Variants in VTI1A observed in about 807,000 individuals in gnomAD.
The protein encoded by VTI1A is vesicle transport through interaction with t-SNAREs homolog 1A.
In VTI1A, 22 loss-of-function variants were observed where a neutral mutation model predicts 34.9. The observed-to-expected ratio is 0.63, with a 90% CI of 0.45 to 0.90. The LOEUF (loss-of-function observed/expected upper bound fraction) is 0.90, where lower values mean the gene tolerates loss of function less well. Among genes scored for constraint, VTI1A ranks in the 40% least tolerant of loss-of-function variants. VTI1A has a pLI of 0.00. For synonymous variants in VTI1A, 87 were observed against 97.3 expected (o/e 0.89, Z 0.62); for missense variants, 268 against 275.6 (o/e 0.97, Z 0.20).
At chr10:112,508,645 C>CT (rs1222846547) in intron 3 of VTI1A, among the ~76,000 whole-genome samples, 1 of 152,098 alleles carries the variant, frequency 6.6e-6, no homozygotes, top group Non-Finnish European at 1.5e-5. Context: ...GTTAGACACC[C>CT]TTTCTGCACC....
chr10:112,805,198 C>A (rs764032512), intron 7 of VTI1A, among the ~76,000 whole-genome samples: 2 of 152,002 alleles, frequency 1.3e-5, no homozygotes, highest in Admixed American at 1.3e-4. Context: ...CATGAGTGGG[C>A]AAATCACAGA....
intron 7 of VTI1A, among the ~76,000 whole-genome samples, chr10:112,743,148 A>G (rs1850756457): frequency 6.6e-6 from 1 of 152,060 alleles, no homozygotes; most frequent in Admixed American, 6.6e-5. Context: ...GGTCTAGAAT[A>G]TGACAAGCCT....
At chr10:112,475,435 CCTTA>C (rs1848248091) in intron 3 of VTI1A, among the ~76,000 whole-genome samples, 1 of 152,144 alleles carries the variant, frequency 6.6e-6, no homozygotes, top group African/African-American at 2.4e-5. Context: ...TTTTTTCCTA[CCTTA>C]CTTAACAATG....
chr10:112,532,673 G>T (rs1417218776), intron 4 of VTI1A, among the ~76,000 whole-genome samples: 1 of 152,092 alleles, frequency 6.6e-6, no homozygotes, highest in Non-Finnish European at 1.5e-5. Context: ...GTTATCATAG[G>T]ATAATTTACT....
At position 112,656,654 on chromosome 10, in the gene VTI1A, C is replaced by T. The variant is rs954501399; in HGVS notation, c.428-11564C>T. Among the ~76,000 whole-genome samples, 3 of 151,444 alleles carry T rather than the reference C, an allele frequency of 2.0e-5. No homozygotes were observed. In the Admixed American group the frequency reaches 2.0e-4, roughly 10 times the overall value. On this transcript the variant is annotated intron_variant, in intron 5 of 7. Transcript: ENST00000393077. ...AAAGTGCTGAGATTATAGGCATGAGCCACCACACCCAGCCTACAAACTTTA... is the reference window on the plus strand; with the variant it reads ...AAAGTGCTGAGATTATAGGCATGAGTCACCACACCCAGCCTACAAACTTTA...
At chr10:112,543,680 T>G (rs1045014218) in intron 5 of VTI1A, among the ~76,000 whole-genome samples, 1 of 152,246 alleles carries the variant, frequency 6.6e-6, no homozygotes, top group African/African-American at 2.4e-5. Flanking sequence ...GCTCTTTAGC[T>G]TAATTAGATC....
At chr10:112,494,792 G>T (rs1848955528) in intron 3 of VTI1A, among the ~76,000 whole-genome samples, 1 of 152,166 alleles carries the variant, frequency 6.6e-6, no homozygotes, top group Admixed American at 6.5e-5. Context: ...GGGATTACAG[G>T]CATGAGCCAC....
chr10:112,561,079 T>G (rs1040933810), intron 5 of VTI1A, among the ~76,000 whole-genome samples: 1 of 152,142 alleles, frequency 6.6e-6, no homozygotes, highest in Non-Finnish European at 1.5e-5. Context: ...AAAAAAATAT[T>G]TTTTTAAAAA....
At chr10:112,651,391 A>G (rs542167378) in intron 5 of VTI1A, among the ~76,000 whole-genome samples, 47 of 152,198 alleles carry the variant, frequency 3.1e-4, no homozygotes, top group African/African-American at 1.1e-3. Flanking sequence ...GCTTACCACA[A>G]CCTCCACCTC....
chr10:112,530,515 G>C (rs1258842761), intron 4 of VTI1A, among the ~76,000 whole-genome samples: 1 of 152,118 alleles, frequency 6.6e-6, no homozygotes, highest in Non-Finnish European at 1.5e-5. Flanking sequence ...ACTGTTCCAA[G>C]CTTTGATTTT....
At chr10:112,761,842 T>C (rs1392775031) in intron 7 of VTI1A, among the ~76,000 whole-genome samples, 1 of 60,202 alleles carries the variant, frequency 1.7e-5, no homozygotes, top group Admixed American at 2.0e-4. Context: ...TGATCTTGTA[T>C]CTTTGTGTAT....
In VTI1A at chr10:112,771,416, G is replaced by A. The variant is rs559556809; in HGVS notation, c.561-43874G>A. ...GCAGCACCCCTGCCCACATGAGGCC[G>A]ACCATAGGAACTGGGGAGGGAACAG... On this transcript the variant is annotated intron_variant, in intron 7 of 7. Transcript: ENST00000393077. Among the ~76,000 whole-genome samples the A allele has an allele frequency of 5.3e-5, 8 of 152,344 alleles. No individual in the cohort carries two copies. The South Asian group carries it at 8.3e-4, about 16-fold the overall frequency.
intron 5 of VTI1A, among the ~76,000 whole-genome samples, chr10:112,594,207 G>T (rs12257504): frequency 0.091 from 13,886 of 152,056 alleles, 712 homozygotes; most frequent in Non-Finnish European, 0.11. Context: ...GCGCCCGGCC[G>T]GTCTCCATCT....
chr10:112,697,991 G>A (rs560993151), intron 7 of VTI1A, among the ~76,000 whole-genome samples: 1 of 151,520 alleles, frequency 6.6e-6, no homozygotes, highest in Non-Finnish European at 1.5e-5. Context: ...TGACATCCAG[G>A]GTTGTGTATT....
chr10:112,757,045 CA>C (rs35767517), intron 7 of VTI1A, among the ~76,000 whole-genome samples: 60,364 of 131,520 alleles, frequency 0.46, 13,858 homozygotes, highest in African/African-American at 0.66. Flanking sequence ...GACCTTGCCT[CA>C]AAAAAAAAAA....
chr10:112,655,487 C>T (rs1169911937), intron 5 of VTI1A, among the ~76,000 whole-genome samples: 2 of 151,732 alleles, frequency 1.3e-5, no homozygotes, highest in Non-Finnish European at 2.9e-5. Flanking sequence ...TGTTGGATTG[C>T]ATAGCTTGCC....
intron 5 of VTI1A, among the ~76,000 whole-genome samples, chr10:112,596,805 G>A (rs1309839199): frequency 6.6e-6 from 1 of 151,858 alleles, no homozygotes; most frequent in African/African-American, 2.4e-5. Flanking sequence ...TTAATTTTTT[G>A]CTGATGTGTT....
At chr10:112,749,305 A>G (rs1290709219) in intron 7 of VTI1A, among the ~76,000 whole-genome samples, 1 of 152,120 alleles carries the variant, frequency 6.6e-6, no homozygotes, top group African/African-American at 2.4e-5. Context: ...CTGACACTCT[A>G]TTTGCTTTGT....
downstream of VTI1A, among the ~76,000 whole-genome samples, chr10:112,821,166 G>A (rs901429940): frequency 1.3e-5 from 2 of 152,188 alleles, no homozygotes; most frequent in African/African-American, 2.4e-5. Context: ...CCATGAACTC[G>A]CGCACCCCCT....
Sources: gnomAD v4.1 joint callset for allele counts (sites outside exome capture counted in the v4.1 genomes callset) on GRCh38, gnomAD v4.1.1 for gene constraint, MANE v1.5 for transcripts, NCBI Gene and HGNC (gene_info 2026-07-23, HGNC 2026-07-21) for gene names.